GOLGB1: variants seen among roughly 807,000 people sequenced by gnomAD.
GOLGB1 encodes golgin B1, also known as golgin subfamily B member 1.
GOLGB1 carries 174 observed loss-of-function variants against 336.9 expected under a neutral mutation model. The ratio of observed to expected loss-of-function variants is 0.52; its 90% CI spans 0.46 to 0.59. The LOEUF is 0.59. GOLGB1 is among the 20% of genes least tolerant of loss of function. The pLI is 0.00. For synonymous variants in GOLGB1, 1,208 were observed against 1,289.2 expected, an observed-to-expected ratio of 0.94 and a Z score of 1.35; for missense variants, 3,331 against 3,645.3, an observed-to-expected ratio of 0.91 and a Z score of 2.22.
chr3:121,702,442 A>G, intron 11 of GOLGB1, 39 bp downstream of exon 11: 1 of 864,068 alleles, frequency 1.2e-6, no homozygotes, highest in Non-Finnish European at 1.7e-6. Context: ...CACTTGTGGG[A>G]TAAGAAGACA....
Position 121,664,915 on chromosome 3 carries a change from C to T in GOLGB1, c.9660+11G>A, listed in dbSNP as rs373959315. 6.7e-7 allele frequency: 1 copy of T among 1,493,032 alleles called. No homozygotes were observed. Among genetic ancestry groups the T allele is most frequent in the Non-Finnish European group, 9.3e-7 (1 of 1,069,536 alleles). 92.5% of individuals were successfully genotyped at this position (1,493,032 alleles called of 1,614,324 possible). On this transcript the variant is annotated intron_variant, in intron 21 of 21. Transcript: ENST00000614479. ...AATAAAACACCCTCTCTTTATCCTT[C>T]TTCCTCTTACCCTTCGACAACTGTT...
chr3:121,664,549 T>A lies in GOLGB1; in HGVS notation c.9726A>T (p.Pro3242=). The A allele has an allele frequency of 2.5e-6, 4 of 1,613,302 alleles. No individual in the cohort carries two copies. The highest frequency in any genetic ancestry group is 3.4e-6 in the Non-Finnish European group (4 of 1,179,256). Residue 3242 remains proline, a synonymous_variant, in exon 22 of 22, where the codon CCA becomes CCT. Coordinates refer to ENST00000614479, the MANE Select transcript of GOLGB1 (RefSeq NM_001366282.2). ...TTAGAAAGTAGATGGCTGCTAGAAG[T>A]GGCACTCGGGTCCGTGAATGACAGA... ...RSLCHSRTRV[P]LLAAIYFLMI...
chr3:121,668,760 C>G (rs538049846), intron 18 of GOLGB1, among the ~76,000 whole-genome samples: 2 of 151,186 alleles, frequency 1.3e-5, no homozygotes, highest in Non-Finnish European at 2.9e-5. Context: ...CCTTGCTTGT[C>G]CAGCCCCTCC....
At chr3:121,702,113 C>A (rs1943465231) in intron 11 of GOLGB1, among the ~76,000 whole-genome samples, 1 of 152,130 alleles carries the variant, frequency 6.6e-6, no homozygotes, top group African/African-American at 2.4e-5. Context: ...TCTGTTACCT[C>A]ATCCCACAAA....
At chr3:121,709,101 T>C (rs991413428) in intron 10 of GOLGB1, among the ~76,000 whole-genome samples, 11 of 152,130 alleles carry the variant, frequency 7.2e-5, no homozygotes, top group African/African-American at 2.7e-4. Flanking sequence ...TTACTACAGA[T>C]AGAGTAACAT....
rs1945031416 is a variant in GOLGB1 at position 121,719,604 on chromosome 3, T to A, written c.771+42A>T. 6 of 1,543,778 alleles carry A rather than the reference T, an allele frequency of 3.9e-6. No homozygotes were observed. The East Asian group carries it at 1.4e-4, about 37-fold the overall frequency. Reference sequence around the variant, plus strand: ...AAATTGGCTGTGATGGATTAAATATTAACCAAAATGACAGTCATTCTACCG... The same window carrying A: ...AAATTGGCTGTGATGGATTAAATATAAACCAAAATGACAGTCATTCTACCG... On this transcript the variant is annotated intron_variant, in intron 7 of 21. Transcript: ENST00000614479.
rs774317577 is a variant in GOLGB1 at position 121,726,953 on chromosome 3, T to C, written c.491A>G (p.Gln164Arg). 11 of 1,604,532 alleles carry C rather than the reference T, an allele frequency of 6.9e-6. No individual in the cohort carries two copies. Among genetic ancestry groups the C allele is most frequent in the Admixed American group, 1.7e-5 (1 of 59,318 alleles). Residue 164 changes from glutamine (Q) to arginine (R), a missense_variant, in exon 5 of 22, where the codon CAA becomes CGA. Physicochemically the swap from Gln to Arg is conservative, Grantham distance 43. Coordinates refer to ENST00000614479, the MANE Select transcript of GOLGB1 (RefSeq NM_001366282.2). ...QEKEELISTL[Q>R]AQLTQAQAEQ... is the part of the protein sequence containing the mutation. ...TGCCTGTGCCTGAGTAAGCTGGGCT[T>C]GCAAAGTGCTGATTAGTTCCTCCTT...
At chr3:121,674,867 C>T (rs375681891) in intron 17 of GOLGB1, among the ~76,000 whole-genome samples, 367 of 126,456 alleles carry the variant, frequency 2.9e-3, no homozygotes, top group African/African-American at 5.3e-3. Context: ...CTCGCTCTGT[C>T]GCCCAGGCCG....
chr3:121,697,969 C>T lies in GOLGB1; in HGVS notation c.2554G>A (p.Val852Met). ...CTTACACGTTCTGCCCCCTCAAGCACTTCACTTTCCTTATTTTGCAGCTGG... is the reference window on the plus strand; with the variant it reads ...CTTACACGTTCTGCCCCCTCAAGCATTTCACTTTCCTTATTTTGCAGCTGG... Reference protein sequence around the residue: ...QSQLQNKESEVLEGAERVRHI... With the variant: ...QSQLQNKESEMLEGAERVRHI... The change falls in exon 13 of 22, where the codon GTG becomes ATG. Residue 852 changes from valine to methionine, a missense_variant. Val to Met is a conservative substitution (Grantham distance 21). Transcript: ENST00000614479. The T allele has an allele frequency of 1.2e-6, 2 of 1,614,122 alleles. No homozygotes were observed. Among genetic ancestry groups the T allele is most frequent in the African/African-American group, 1.3e-5 (1 of 75,040 alleles).
chr3:121,742,515 C>T (rs1217596002), intron 1 of GOLGB1, among the ~76,000 whole-genome samples: 2 of 152,130 alleles, frequency 1.3e-5, no homozygotes, highest in East Asian at 3.8e-4. Context: ...ATAAAAAACC[C>T]TAGAAGAAAA....
At chr3:121,727,291 C>CATATATATATATATAT (rs1560307098) in intron 4 of GOLGB1, among the ~76,000 whole-genome samples, 2 of 51,162 alleles carry the variant, frequency 3.9e-5, no homozygotes, top group African/African-American at 6.2e-5. Flanking sequence ...TACACACACA[C>CATATATATATATATAT]ACATATATAT....
intron 1 of GOLGB1, among the ~76,000 whole-genome samples, chr3:121,747,150 TTATATATA>T (rs548032779): frequency 0.051 from 2,530 of 49,512 alleles, 83 homozygotes; most frequent in Middle Eastern, 0.077. Flanking sequence ...TACATGGATG[TTATATATA>T]TATATATATA....
chr3:121,667,927 C>A, intron 19 of GOLGB1, 134 bp downstream of exon 19: 1 of 578,346 alleles, frequency 1.7e-6, no homozygotes, highest in Non-Finnish European at 3.1e-6. Context: ...ATTTGATCCT[C>A]ACATCACTTC....
intron 13 of GOLGB1, 112 bp downstream of exon 13, chr3:121,693,629 T>A (rs189502556): frequency 2.3e-5 from 18 of 777,646 alleles, no homozygotes; most frequent in Middle Eastern, 3.6e-4. Context: ...ATATCTTCCA[T>A]GGACATTTAT....
intron 11 of GOLGB1, among the ~76,000 whole-genome samples, chr3:121,701,550 G>T (rs1233578231): frequency 6.6e-6 from 1 of 152,114 alleles, no homozygotes; most frequent in Non-Finnish European, 1.5e-5. Context: ...GTAGTAGTCA[G>T]TTAAAGATGA....
rs756343874 is a variant in GOLGB1, at chr3:121,694,010, C to G, written c.6513G>C (p.Leu2171Phe). ...GCTGAACTTCCTTGTCTTTCTTGTT[C>G]AAAGTAACCTGAATCTCTCCAATTG... Reference protein sequence around the residue: ...EETIGEIQVTLNKKDKEVQQL... With the variant: ...EETIGEIQVTFNKKDKEVQQL... Residue 2171 changes from leucine to phenylalanine, a missense_variant, in exon 13 of 22, where the codon TTG becomes TTC. Physicochemically the swap from Leu to Phe is conservative, Grantham distance 22 (BLOSUM62 0). Coordinates refer to ENST00000614479, the MANE Select transcript of GOLGB1 (RefSeq NM_001366282.2). The G allele has an allele frequency of 6.2e-7, 1 of 1,614,128 alleles. No homozygotes were observed. Among genetic ancestry groups the G allele is most frequent in the Admixed American group, 1.7e-5 (1 of 60,026 alleles).
chr3:121,712,599 C>G (rs1160227759), intron 10 of GOLGB1, among the ~76,000 whole-genome samples: 4 of 152,032 alleles, frequency 2.6e-5, no homozygotes, highest in Admixed American at 6.6e-5. Context: ...ATAAAGAATT[C>G]CTACTTGATA....
chr3:121,718,299 T>C, intron 8 of GOLGB1, 89 bp downstream of exon 8: 1 of 772,936 alleles, frequency 1.3e-6, no homozygotes, highest in Non-Finnish European at 2.2e-6. Flanking sequence ...CTCTGAAGAC[T>C]TTAAATAGGC....
chr3:121,687,707 T>C (rs1941894702), intron 14 of GOLGB1, among the ~76,000 whole-genome samples: 2 of 152,174 alleles, frequency 1.3e-5, no homozygotes, highest in African/African-American at 4.8e-5. Flanking sequence ...TTATAACAGA[T>C]AAGAATAATA....
Sources: gnomAD v4.1 joint callset for allele counts (sites outside exome capture counted in the v4.1 genomes callset) on GRCh38, gnomAD v4.1.1 for gene constraint, MANE v1.5 for transcripts, NCBI Gene and HGNC (gene_info 2026-07-23, HGNC 2026-07-21) for gene names.